GALNTL6: variants seen among roughly 807,000 people sequenced by gnomAD.
The protein encoded by GALNTL6 is polypeptide N-acetylgalactosaminyltransferase-like 6.
A neutral mutation model predicts 73.7 loss-of-function variants in GALNTL6; 46 were observed. The ratio of observed to expected loss-of-function variants is 0.62; its 90% CI spans 0.49 to 0.80. The LOEUF (loss-of-function observed/expected upper bound fraction) is 0.80, where lower values mean the gene tolerates loss of function less well. Among genes scored for constraint, GALNTL6 ranks in the 30% least tolerant of loss-of-function variants. The pLI is 0.00. For synonymous variants in GALNTL6, 259 were observed against 263.7 expected (o/e 0.98, Z 0.17); for missense variants, 604 against 755.0 (o/e 0.80, Z 2.34).
At chr4:172,270,045 C>A (rs1038752476) in intron 3 of GALNTL6, among the ~76,000 whole-genome samples, 1 of 152,044 alleles carries the variant, frequency 6.6e-6, no homozygotes, top group African/African-American at 2.4e-5. Context: ...CTACATATTT[C>A]TCTTGTATCA....
At chr4:171,916,325 C>A (rs10032268) in intron 2 of GALNTL6, among the ~76,000 whole-genome samples, 2 of 151,802 alleles carry the variant, frequency 1.3e-5, no homozygotes, top group Non-Finnish European at 2.9e-5. Flanking sequence ...TAGAAGCTGC[C>A]ATATTTTTTG....
chr4:172,903,569 T>C (rs1047357828), intron 8 of GALNTL6, among the ~76,000 whole-genome samples: 2 of 152,198 alleles, frequency 1.3e-5, no homozygotes, highest in African/African-American at 4.8e-5. Flanking sequence ...ACATTAAACC[T>C]ATAAATGTAC....
intron 2 of GALNTL6, among the ~76,000 whole-genome samples, chr4:171,978,109 GA>G (rs2111075352): frequency 6.6e-6 from 1 of 151,998 alleles, no homozygotes; most frequent in East Asian, 1.9e-4. Context: ...CAACACATTA[GA>G]AAATCTACAG....
At chr4:172,527,264 C>T (rs957346112) in intron 5 of GALNTL6, among the ~76,000 whole-genome samples, 4 of 152,154 alleles carry the variant, frequency 2.6e-5, no homozygotes, top group Non-Finnish European at 4.4e-5. Flanking sequence ...ATAGAATTCT[C>T]ATCCTACCAA....
chr4:171,879,555 A>T (rs1329553481), intron 2 of GALNTL6, among the ~76,000 whole-genome samples: 1 of 152,220 alleles, frequency 6.6e-6, no homozygotes, highest in African/African-American at 2.4e-5. Flanking sequence ...TTATTTTAGT[A>T]CACATGAATA....
intron 5 of GALNTL6, among the ~76,000 whole-genome samples, chr4:172,424,485 G>A (rs905878991): frequency 6.6e-6 from 1 of 151,974 alleles, no homozygotes; most frequent in Non-Finnish European, 1.5e-5. Flanking sequence ...TAGTGACGGT[G>A]AGCTAACTAT....
intron 4 of GALNTL6, among the ~76,000 whole-genome samples, chr4:172,344,704 A>C (rs1741681619): frequency 6.6e-6 from 1 of 152,186 alleles, no homozygotes; most frequent in Non-Finnish European, 1.5e-5. Flanking sequence ...TCATTGATAA[A>C]GACGTCCTTA....
At chr4:172,299,566 T>C (rs935309556) in intron 3 of GALNTL6, among the ~76,000 whole-genome samples, 6 of 152,272 alleles carry the variant, frequency 3.9e-5, no homozygotes, top group African/African-American at 7.2e-5. Context: ...TGGTATGTTT[T>C]GTCTTTATTC....
intron 2 of GALNTL6, among the ~76,000 whole-genome samples, chr4:172,062,735 C>T (rs2110884796): frequency 6.6e-6 from 1 of 152,286 alleles, no homozygotes; most frequent in East Asian, 1.9e-4. Flanking sequence ...GCCTTTTGCC[C>T]TGTGCTCCAT....
At chr4:172,106,648 A>C (rs1383856464) in intron 2 of GALNTL6, among the ~76,000 whole-genome samples, 1 of 152,150 alleles carries the variant, frequency 6.6e-6, no homozygotes, top group Non-Finnish European at 1.5e-5. Context: ...CTAGTCTTTA[A>C]ATCAATATTA....
At chr4:171,967,078 C>A (rs1739406892) in intron 2 of GALNTL6, among the ~76,000 whole-genome samples, 1 of 152,142 alleles carries the variant, frequency 6.6e-6, no homozygotes, top group African/African-American at 2.4e-5. Context: ...ATCAAAACCT[C>A]CAAGTATATT....
At chr4:172,787,586 G>A (rs1739732290) in intron 5 of GALNTL6, among the ~76,000 whole-genome samples, 1 of 152,188 alleles carries the variant, frequency 6.6e-6, no homozygotes, top group Non-Finnish European at 1.5e-5. Context: ...GCTTCACAGA[G>A]GCAATGAGAT....
At chr4:171,947,276 C>T (rs973393195) in intron 2 of GALNTL6, among the ~76,000 whole-genome samples, 5 of 151,952 alleles carry the variant, frequency 3.3e-5, no homozygotes, top group East Asian at 3.9e-4. Flanking sequence ...AAAAATTTCA[C>T]GTCTACTCCA....
rs1731072136 is a variant in GALNTL6 at position 172,057,730 on chromosome 4, ATATAT to A, written c.139-171925_139-171921del. On this transcript the variant is annotated intron_variant, in intron 2 of 12. Coordinates refer to ENST00000506823, the MANE Select transcript of GALNTL6 (RefSeq NM_001034845.3). ...AAAAAAAAAAAAAAAAAAAAAAAAT[ATATAT>A]ATATATATATATATATATATATAAA... is the stretch of plus-strand genomic sequence containing the variant. 4.7e-3 allele frequency among the ~76,000 whole-genome samples: 278 copies of A among 59,328 alleles called. 4 individuals are homozygous for A. Among genetic ancestry groups the A allele is most frequent in the African/African-American group, 0.017 (255 of 15,168 alleles). 38.9% of individuals were successfully genotyped at this position (59,328 alleles called of 152,430 possible).
rs1042652138 is a variant in GALNTL6 at position 171,964,378 on chromosome 4, A to G, written c.138+149660A>G. ...CTAATATTTCCAAAGCAAACAATCT[A>G]TTATTACATTTCTATCAGAATGTTT... is the stretch of plus-strand genomic sequence containing the variant. On this transcript the variant is annotated intron_variant, in intron 2 of 12. Transcript: ENST00000506823. Among the ~76,000 whole-genome samples the G allele has an allele frequency of 1.1e-4, 16 of 152,248 alleles. No homozygotes were observed. In the East Asian group the frequency reaches 2.9e-3, roughly 28 times the overall value.
chr4:172,882,756 T>C (rs1745523582), intron 7 of GALNTL6, 34 bp from the exon 8 acceptor site: 1 of 1,286,282 alleles, frequency 7.8e-7, no homozygotes, highest in Admixed American at 1.7e-5. Context: ...GTAACGTTCA[T>C]AGTCCTTTAA....
At chr4:172,154,204 G>A (rs1352974062) in intron 2 of GALNTL6, among the ~76,000 whole-genome samples, 1 of 148,088 alleles carries the variant, frequency 6.8e-6, no homozygotes, top group African/African-American at 2.5e-5. Context: ...ACCCTGTAAA[G>A]GGAGTAAACC....
At chr4:171,984,676 G>T (rs1276115517) in intron 2 of GALNTL6, among the ~76,000 whole-genome samples, 3 of 152,088 alleles carry the variant, frequency 2.0e-5, no homozygotes, top group African/African-American at 7.2e-5. Context: ...TTTCTAAAGA[G>T]CTAAGTAGGA....
chr4:172,211,014 CT>C (rs1268647338), intron 2 of GALNTL6, among the ~76,000 whole-genome samples: 1 of 152,170 alleles, frequency 6.6e-6, no homozygotes, highest in Admixed American at 6.5e-5. Flanking sequence ...TTTGAAAGCT[CT>C]TTCAGTTGGC....
Sources: allele counts gnomAD v4.1 joint callset (sites outside exome capture counted in the v4.1 genomes callset), GRCh38; gene constraint gnomAD v4.1.1; transcripts MANE v1.5; gene names NCBI Gene and HGNC (gene_info 2026-07-23, HGNC 2026-07-21).